Variants in ZBTB46 observed in about 807,000 individuals in gnomAD.
ZBTB46 encodes zinc finger and BTB domain containing 46.
ZBTB46 carries 8 observed loss-of-function variants against 44.1 expected under a neutral mutation model. The observed-to-expected ratio is 0.18, with a 90% CI of 0.11 to 0.33. The LOEUF is 0.33. Ranked by LOEUF, ZBTB46 falls within the 10% of genes least tolerant of loss-of-function variation. The probability of loss-of-function intolerance (pLI) is 1.00; values close to 1 mark genes in which losing one functional copy is unlikely to be tolerated. For missense variants in ZBTB46, 651 were observed against 847.7 expected (o/e 0.77, Z 2.88); for synonymous variants, 409 against 382.3 (o/e 1.07, Z -0.81).
chr20:63,757,693 G>T (rs1264673546), intron 3 of ZBTB46, among the ~76,000 whole-genome samples: 1 of 152,134 alleles, frequency 6.6e-6, no homozygotes, highest in Non-Finnish European at 1.5e-5. Context: ...CCAGGTTTCT[G>T]ATGCCCTGAC....
At position 63,790,725 on chromosome 20, in the gene ZBTB46, C is replaced by T. The variant is rs754532649; in HGVS notation, c.33G>A (p.Thr11=). ...CCCGCAGCAGGTGCCGGTAGTGGGA[C>T]GTGATTTCCATATCTTCCTTTCGGT... is the stretch of plus-strand genomic sequence containing the variant. The part of the protein sequence containing the change: MNNRKEDMEI[T]SHYRHLLREL... The change falls in exon 2 of 5, where the codon ACG becomes ACA. Residue 11 remains threonine (T), a synonymous_variant. Transcript: ENST00000245663. 10 of 1,609,304 alleles carry T rather than the reference C, an allele frequency of 6.2e-6. No individual in the cohort carries two copies. The highest frequency in any genetic ancestry group is 2.2e-5 in the East Asian group (1 of 44,816).
Position 63,747,007 on chromosome 20 carries a change from C to T in ZBTB46, c.1693G>A (p.Asp565Asn), listed in dbSNP as rs368761209. 42 of 1,607,990 alleles carry T rather than the reference C, an allele frequency of 2.6e-5. No homozygotes were observed. The East Asian group carries it at 2.7e-4, about 10-fold the overall frequency. The change falls in exon 5 of 5, where the codon GAC (aspartate) becomes AAC (asparagine). Residue 565 changes from aspartate to asparagine, a missense_variant. Coordinates refer to ENST00000245663, the MANE Select transcript of ZBTB46 (RefSeq NM_001369741.1). Reference sequence around the variant, plus strand: ...CGCGGCGAGTCTTCCTCATCCTTGTCGTCCGCCAACAGCGCATCCTCAGGG... The same window carrying T: ...CGCGGCGAGTCTTCCTCATCCTTGTTGTCCGCCAACAGCGCATCCTCAGGG... ...LAPEDALLAD[D>N]KDEEDSPRPR... is the part of the protein sequence containing the mutation.
chr20:63,796,428 ACAT>A (rs1369514002), intron 1 of ZBTB46, among the ~76,000 whole-genome samples: 3 of 152,174 alleles, frequency 2.0e-5, no homozygotes, highest in African/African-American at 7.2e-5. Context: ...ACCCTCTCAA[ACAT>A]CAACTCACAC....
chr20:63,832,275 C>T (rs1221538921), upstream of ZBTB46, among the ~76,000 whole-genome samples: 1 of 152,284 alleles, frequency 6.6e-6, no homozygotes, highest in African/African-American at 2.4e-5. This position sits in a 1 kb window ranked among gnomAD's most constrained non-coding sequence, Gnocchi z 5.0. Context: ...GCCCCGCATT[C>T]CTGGCCGGCC....
intron 1 of ZBTB46, among the ~76,000 whole-genome samples, chr20:63,811,386 A>G (rs983970633): frequency 6.6e-6 from 1 of 152,200 alleles, no homozygotes; most frequent in Non-Finnish European, 1.5e-5. Flanking sequence ...CCTCTCATAC[A>G]GAAGACACTA....
At chr20:63,763,524 G>A (rs549730563) in intron 3 of ZBTB46, among the ~76,000 whole-genome samples, 13 of 152,244 alleles carry the variant, frequency 8.5e-5, no homozygotes, top group African/African-American at 1.9e-4. Context: ...GGAGCAAGAC[G>A]GAGGGTCATG....
chr20:63,761,281 G>A (rs1432709437), intron 3 of ZBTB46, among the ~76,000 whole-genome samples: 2 of 152,008 alleles, frequency 1.3e-5, no homozygotes, highest in African/African-American at 2.4e-5. Flanking sequence ...TTACAGGCAT[G>A]AGCCACCACA....
At position 63,746,636 on chromosome 20, in the gene ZBTB46, CCACT is replaced by C; in HGVS notation, c.*290_*293del. On this transcript the variant is annotated 3_prime_UTR_variant, in exon 5 of 5. Coordinates refer to ENST00000245663, the MANE Select transcript of ZBTB46 (RefSeq NM_001369741.1). ...CAAGCCAGGCTGGCCATCACAGGGG[CCACT>C]CACACACCCGCACCACCTGCTGGGG... is the stretch of plus-strand genomic sequence containing the variant. The C allele has an allele frequency of 2.6e-6, 1 of 387,110 alleles. No individual in the cohort carries two copies. The highest frequency in any genetic ancestry group is 4.4e-5 in the Admixed American group (1 of 22,494). 24.0% of individuals were successfully genotyped at this position (387,110 alleles called of 1,614,324 possible). A position where few individuals can be genotyped will look rare whatever the true frequency, so the allele number is the denominator to read the frequency against.
At chr20:63,785,762 A>G (rs939491968) in intron 2 of ZBTB46, among the ~76,000 whole-genome samples, 1 of 152,192 alleles carries the variant, frequency 6.6e-6, no homozygotes, top group African/African-American at 2.4e-5. Context: ...TGGCCGCCAC[A>G]GCGTGGGCAG....
intron 3 of ZBTB46, among the ~76,000 whole-genome samples, chr20:63,761,751 C>A (rs2092279659): frequency 6.8e-6 from 1 of 146,914 alleles, no homozygotes; most frequent in African/African-American, 2.6e-5. Flanking sequence ...CACTGCACTC[C>A]AGCCTGGGTG....
Position 63,803,322 on chromosome 20 carries a change from T to C in ZBTB46, c.-33-12532A>G, listed in dbSNP as rs879285822. 6.1e-6 allele frequency: 6 copies of C among 985,422 alleles called. No homozygotes were observed. The highest frequency in any genetic ancestry group is 6.0e-6 in the Non-Finnish European group (5 of 829,890). 61.0% of individuals were successfully genotyped at this position (985,422 alleles called of 1,614,324 possible). On this transcript the variant is annotated intron_variant, in intron 1 of 4. Coordinates refer to ENST00000245663, the MANE Select transcript of ZBTB46 (RefSeq NM_001369741.1). This position sits in a 1 kb window ranked among gnomAD's most constrained non-coding sequence, Gnocchi z 4.0. ...AAACTGTCGTACAAATTAAATTTCA[T>C]ATACATCATATTACCATTGTTCGTG... is the stretch of plus-strand genomic sequence containing the variant.
At chr20:63,833,504 TG>T (rs1203517451), upstream of ZBTB46, among the ~76,000 whole-genome samples, 37 of 152,190 alleles carry the variant, frequency 2.4e-4, no homozygotes, top group Admixed American at 2.4e-3. Flanking sequence ...GGCAGGAGAA[TG>T]GCGTCAACCC....
chr20:63,787,672 C>T lies in ZBTB46; in HGVS notation c.937+2149G>A, dbSNP rs992468786. ...CATGACGCTCCCAGAGCAACAGAAT[C>T]GCCTAGCGATGCGTTTCTTGGAACC... On this transcript the variant is annotated intron_variant, in intron 2 of 4. Coordinates refer to ENST00000245663, the MANE Select transcript of ZBTB46 (RefSeq NM_001369741.1). The surrounding 1 kb of genome is among the most constrained non-coding windows in gnomAD (Gnocchi z 4.6). The T allele has an allele frequency of 6.6e-6, 1 of 152,254 alleles. No homozygotes were observed. Among genetic ancestry groups the T allele is most frequent in the African/African-American group, 2.4e-5 (1 of 41,468 alleles). 9.4% of individuals were successfully genotyped at this position (152,254 alleles called of 1,614,324 possible). A position where few individuals can be genotyped will look rare whatever the true frequency, so the allele number is the denominator to read the frequency against.
intron 2 of ZBTB46, chr20:63,788,164 G>C (rs1455907959): frequency 6.6e-6 from 1 of 152,206 alleles, no homozygotes; most frequent in East Asian, 1.9e-4. Context: ...CCAGGCTGGA[G>C]GGCAGCAGTG....
chr20:63,756,882 A>G (rs1244905479), intron 3 of ZBTB46, among the ~76,000 whole-genome samples: 1 of 152,260 alleles, frequency 6.6e-6, no homozygotes, highest in African/African-American at 2.4e-5. Context: ...ACTAAGCCAC[A>G]TGTCCATCCT....
intron 1 of ZBTB46, 104 bp downstream of exon 1, chr20:63,830,993 G>A (rs1389062061): frequency 7.0e-6 from 1 of 142,896 alleles, no homozygotes; most frequent in East Asian, 2.1e-4. Flanking sequence ...GCGGGGGCGC[G>A]CCCGGGCTCG....
chr20:63,782,068 A>G (rs2092474335), intron 2 of ZBTB46, among the ~76,000 whole-genome samples: 1 of 126,282 alleles, frequency 7.9e-6, no homozygotes, highest in Non-Finnish European at 1.7e-5. Flanking sequence ...GCCTGGGTGA[A>G]AGAGCAAGAC....
upstream of ZBTB46, chr20:63,831,283 ACCCCGCGGC>A: frequency 8.1e-6 from 1 of 123,392 alleles, no homozygotes; most frequent in East Asian, 3.0e-4. Context: ...GCCCGCTCCA[ACCCCGCGGC>A]CCCCGCCGCC....
chr20:63,792,346 T>C lies in ZBTB46; in HGVS notation c.-33-1556A>G, dbSNP rs1054153111. On this transcript the variant is annotated intron_variant, in intron 1 of 4. Coordinates refer to ENST00000245663, the MANE Select transcript of ZBTB46 (RefSeq NM_001369741.1). ...CACCTGAAATGCTAAATGTGTTTAA[T>C]AGGAGAAAACTAAGCGAGCGTGGGA... Among the ~76,000 whole-genome samples, 12 of 152,150 alleles carry C rather than the reference T, an allele frequency of 7.9e-5. No individual in the cohort carries two copies. In the South Asian group the frequency reaches 1.0e-3, roughly 13 times the overall value.
Sources: gnomAD v4.1 joint callset for allele counts (sites outside exome capture counted in the v4.1 genomes callset) on GRCh38, gnomAD v4.1.1 for gene constraint, Gnocchi (gnomAD v3.1) non-coding constraint, MANE v1.5 for transcripts, NCBI Gene and HGNC (gene_info 2026-07-23, HGNC 2026-07-21) for gene names.